The following ESYT2 variants were observed in gnomAD, a reference collection of about 807,000 sequenced individuals.
The protein encoded by ESYT2 is extended synaptotagmin 2.
ESYT2 carries 54 observed loss-of-function variants against 107.2 expected under a neutral mutation model. The observed-to-expected ratio is 0.50, with a 90% CI of 0.40 to 0.63. The LOEUF is 0.63. ESYT2 is among the 30% of genes least tolerant of loss of function. The pLI, the probability that ESYT2 is intolerant of heterozygous loss-of-function variation, is 0.00. For missense variants in ESYT2, 1,020 were observed against 1,094.5 expected (o/e 0.93, Z 0.96); for synonymous variants, 491 against 434.1 (o/e 1.13, Z -1.63).
In ESYT2 at chr7:158,796,949, G is replaced by GGGAAACGCACCCGGTAGACCTTGGTGA. The variant is rs1563026304; in HGVS notation, c.507+992_507+993insTCACCAAGGTCTACCGGGTGCGTTTCC. ...CCACGGCTGGAGGCAGAGCCTGAGT[G>GGGAAACGCACCCGGTAGACCTTGGTGA]ACAGAGACAGGAAGGGGCACCACAG... is the stretch of plus-strand genomic sequence containing the variant. On this transcript the variant is annotated intron_variant, in intron 3 of 22. Transcript: ENST00000275418. Among the ~76,000 whole-genome samples the GGGAAACGCACCCGGTAGACCTTGGTGA allele has an allele frequency of 3.6e-4, 54 of 149,310 alleles. 1 individual carries two copies. The highest frequency in any genetic ancestry group is 8.0e-4 in the Admixed American group (12 of 15,028).
At chr7:158,769,203 AT>A (rs1261672231) in intron 7 of ESYT2, among the ~76,000 whole-genome samples, 1 of 152,146 alleles carries the variant, frequency 6.6e-6, no homozygotes, top group Admixed American at 6.5e-5. Flanking sequence ...ATGGGAAAAA[AT>A]TTTTTAAATC....
chr7:158,823,324 C>T (rs1014542434), intron 1 of ESYT2, among the ~76,000 whole-genome samples: 1 of 111,478 alleles, frequency 9.0e-6, no homozygotes, highest in Non-Finnish European at 1.9e-5. Flanking sequence ...AAAAAAAAGA[C>T]ATTGGATTTT....
intron 16 of ESYT2, among the ~76,000 whole-genome samples, chr7:158,744,752 ATAGAG>A (rs755474478): frequency 6.6e-6 from 1 of 152,210 alleles, no homozygotes; most frequent in Non-Finnish European, 1.5e-5. Flanking sequence ...ATTTAATCAA[ATAGAG>A]TAAGAACTCT....
At chr7:158,800,732 T>A in intron 1 of ESYT2, among the ~76,000 whole-genome samples, 1 of 121,796 alleles carries the variant, frequency 8.2e-6, no homozygotes, top group South Asian at 2.4e-4. Context: ...TTCTTTTCTT[T>A]TCTTTTTTTT....
At chr7:158,805,688 T>C (rs1251487846) in intron 1 of ESYT2, among the ~76,000 whole-genome samples, 1 of 152,216 alleles carries the variant, frequency 6.6e-6, no homozygotes, top group East Asian at 1.9e-4. Context: ...GCAATGACAC[T>C]GCTTAAAAAT....
chr7:158,789,235 A>G (rs1839202337), intron 4 of ESYT2, among the ~76,000 whole-genome samples: 1 of 152,222 alleles, frequency 6.6e-6, no homozygotes, highest in South Asian at 2.1e-4. Context: ...CTGGTGTTAA[A>G]GCCAATACCT....
At chr7:158,767,536 C>T (rs553664775) in intron 8 of ESYT2, 118 bp downstream of exon 8, 91 of 1,372,906 alleles carry the variant, frequency 6.6e-5, no homozygotes, top group East Asian at 2.6e-4. Context: ...CATCAAGACC[C>T]GTGTGGCAAG....
intron 1 of ESYT2, among the ~76,000 whole-genome samples, chr7:158,800,280 C>T (rs6965034): frequency 0.11 from 16,508 of 152,114 alleles, 942 homozygotes; most frequent in African/African-American, 0.13. Context: ...ATCTCTTGAC[C>T]TCGTGATCCG....
In ESYT2 at chr7:158,741,597, G is replaced by T; in HGVS notation, c.2094C>A (p.Thr698=). The T allele has an allele frequency of 6.2e-7, 1 of 1,611,778 alleles. No individual in the cohort carries two copies. The highest frequency in any genetic ancestry group is 8.5e-7 in the Non-Finnish European group (1 of 1,179,958). ...GCGAGATGTCCGAGGCGATGCTGGG[G>T]GTCGGCTCCTTGACTGAGATGTGGC... ...SPGHISVKEP[T]PSIASDISLP... The change falls in exon 18 of 23, where the codon ACC becomes ACA. Residue 698 remains threonine, a synonymous_variant. Transcript: ENST00000275418.
At chr7:158,782,286 AAT>A (rs1157894242) in intron 6 of ESYT2, among the ~76,000 whole-genome samples, 8 of 55,414 alleles carry the variant, frequency 1.4e-4, no homozygotes, top group African/African-American at 3.3e-4. Flanking sequence ...AAATGTGAGA[AAT>A]GTGTGAAACA....
At chr7:158,762,990 G>A in intron 10 of ESYT2, 93 bp downstream of exon 10, 1 of 780,410 alleles carries the variant, frequency 1.3e-6, no homozygotes, top group South Asian at 1.7e-5. Flanking sequence ...TAGACAACAA[G>A]TATACAAATG....
chr7:158,787,892 A>G (rs1839162750), intron 6 of ESYT2, 112 bp downstream of exon 6: 3 of 778,918 alleles, frequency 3.9e-6, no homozygotes, highest in Admixed American at 2.3e-5. Context: ...CACAACAGAA[A>G]GGGACAACGG....
chr7:158,767,758 T>C lies in ESYT2; in HGVS notation c.820A>G (p.Ile274Val), dbSNP rs776018623. ...VPGLNGLSDT[I>V]ILDIISNYLV... ...TAGTTTGATATTATATCCAAAATGA[T>C]AGTATCTGATAAACCACTGTTAGTT... Residue 274 changes from isoleucine (I) to valine (V), a missense_variant, in exon 8 of 23, where the codon ATC (isoleucine) becomes GTC (valine). Transcript: ENST00000275418. 28 of 1,612,444 alleles carry C rather than the reference T, an allele frequency of 1.7e-5. No homozygotes were observed. Among genetic ancestry groups the C allele is most frequent in the South Asian group, 2.2e-5 (2 of 90,750 alleles).
chr7:158,799,227 G>A (rs1397682814), intron 1 of ESYT2, among the ~76,000 whole-genome samples, 155 bp from the exon 2 acceptor site: 1 of 152,172 alleles, frequency 6.6e-6, no homozygotes, highest in African/African-American at 2.4e-5. Flanking sequence ...GGTCTCCAAG[G>A]AGGGAAAGTG....
chr7:158,743,795 A>C, intron 16 of ESYT2, 117 bp from the exon 17 acceptor site: 3 of 1,220,262 alleles, frequency 2.5e-6, no homozygotes, highest in Non-Finnish European at 3.3e-6. Flanking sequence ...AAAATGTAGA[A>C]AGGGGCCAGG....
At position 158,764,745 on chromosome 7, in the gene ESYT2, C is replaced by T. The variant is rs1479470145; in HGVS notation, c.1033G>A (p.Gly345Ser). 1 of 1,614,012 alleles carries T rather than the reference C, an allele frequency of 6.2e-7. No homozygotes were observed. Among genetic ancestry groups the T allele is most frequent in the African/African-American group, 1.3e-5 (1 of 74,896 alleles). Residue 345 changes from glycine (G) to serine (S), a missense_variant, in exon 9 of 23, where the codon GGC becomes AGC. Transcript: ENST00000275418. The part of the protein sequence containing the change: ...KSDPYGIIRV[G>S]NQIFQSRVIK... ...ACTCTGCTTTGGAAGATTTGGTTGC[C>T]AACTCTAATGATTCCATAGGGGTCT...
At chr7:158,771,846 C>T (rs966788892) in intron 7 of ESYT2, among the ~76,000 whole-genome samples, 5 of 152,114 alleles carry the variant, frequency 3.3e-5, no homozygotes, top group Admixed American at 6.5e-5. Flanking sequence ...TGGCCGGGTG[C>T]GGTGTCTCAT....
intron 21 of ESYT2, 36 bp downstream of exon 21, chr7:158,735,467 C>G (rs3816461): frequency 0.94 from 1,475,066 of 1,565,510 alleles, 695,760 homozygotes; most frequent in Middle Eastern, 0.96. Flanking sequence ...ATTTTACAAA[C>G]TGCAGGAACT....
At chr7:158,810,646 C>G (rs771549093) in intron 1 of ESYT2, among the ~76,000 whole-genome samples, 1 of 151,780 alleles carries the variant, frequency 6.6e-6, no homozygotes, top group Admixed American at 6.6e-5. Context: ...TGCGTCACTG[C>G]GCTCCAGCCT....
Sources: gnomAD v4.1 joint callset for allele counts (sites outside exome capture counted in the v4.1 genomes callset) on GRCh38, gnomAD v4.1.1 for gene constraint, MANE v1.5 for transcripts, NCBI Gene and HGNC (gene_info 2026-07-23, HGNC 2026-07-21) for gene names.